FMN2: variants seen among roughly 807,000 people sequenced by gnomAD.
FMN2 encodes formin-2.
Under a neutral mutation model 142.3 loss-of-function variants are expected in FMN2, and 51 were observed. That is an observed-to-expected ratio of 0.36 (90% confidence interval 0.29 to 0.45). The LOEUF is 0.45. Ranked by LOEUF, FMN2 falls within the 20% of genes least tolerant of loss-of-function variation. The probability of loss-of-function intolerance (pLI) is 1.00; values close to 1 mark genes in which losing one functional copy is unlikely to be tolerated. For synonymous variants in FMN2, 882 were observed against 869.8 expected (o/e 1.01, Z -0.25); for missense variants, 1,936 against 2,122.8 (o/e 0.91, Z 1.73).
chr1:240,447,060 C>G (rs145457204), intron 16 of FMN2, among the ~76,000 whole-genome samples: 1 of 152,160 alleles, frequency 6.6e-6, no homozygotes. Flanking sequence ...CTAGAGGTAT[C>G]GATCCCTACG....
intron 8 of FMN2, among the ~76,000 whole-genome samples, chr1:240,308,376 C>T (rs1034888292): frequency 6.6e-6 from 1 of 152,168 alleles, no homozygotes; most frequent in South Asian, 2.1e-4. Context: ...AGTTAACACA[C>T]AGTTTTGGCT....
intron 14 of FMN2, among the ~76,000 whole-genome samples, chr1:240,377,853 AAATT>A (rs1424805975): frequency 2.0e-5 from 3 of 152,278 alleles, no homozygotes; most frequent in African/African-American, 7.2e-5. Context: ...GGGGATTAAT[AAATT>A]AATTCCCCCA....
intron 2 of FMN2, chr1:240,170,459 T>A (rs1558335141): frequency 7.3e-7 from 1 of 1,367,480 alleles, no homozygotes; most frequent in East Asian, 2.3e-5. Flanking sequence ...CATCCCACAG[T>A]GTGGAGAATG....
chr1:240,149,143 T>C lies in FMN2; in HGVS notation c.1782+25798T>C, dbSNP rs1196510897. ...GTTGTAAAACATTGAACCTGCAGAA[T>C]GTGGACAATAAAGTAACCATTTTTG... is the stretch of plus-strand genomic sequence containing the variant. On this transcript the variant is annotated intron_variant, in intron 2 of 17. Transcript: ENST00000319653. 3.9e-5 allele frequency among the ~76,000 whole-genome samples: 6 copies of C among 152,256 alleles called. 2 individuals carry two copies. In the East Asian group the frequency reaches 1.2e-3, roughly 29 times the overall value.
At position 240,440,456 on chromosome 1, in the gene FMN2, C is replaced by T. The variant is rs549209686; in HGVS notation, c.5060+2246C>T. 1.4e-4 allele frequency among the ~76,000 whole-genome samples: 22 copies of T among 152,170 alleles called. No homozygotes were observed. In the South Asian group the frequency reaches 4.3e-3, roughly 30 times the overall value. ...TCTGACATGCCCAGAATGAGCTTTC[C>T]TTCACTCTCTAAGTATCTCATAAAA... On this transcript the variant is annotated intron_variant, in intron 16 of 17. Transcript: ENST00000319653.
chr1:240,184,283 C>T (rs1488397927), intron 3 of FMN2, among the ~76,000 whole-genome samples: 2 of 125,306 alleles, frequency 1.6e-5, no homozygotes, highest in East Asian at 2.3e-4. Context: ...GTCGCCCAGG[C>T]TGGAGTGCAG....
rs1247510585 is a variant in FMN2 at position 240,123,181 on chromosome 1, C to T, written c.1618C>T (p.Arg540Ter). ...TAATGACTGTGTTTCATCTGCAGGG[C>T]GAACGCTGTTGGAGAAGCTGTTCAG... ...ADGFQNVFTGRTLLEKLFSQQ... is the reference protein window; with the variant it reads ...ADGFQNVFTG The change falls in exon 2 of 18, where the codon CGA becomes TGA. Residue 540 changes from arginine (R) to a stop codon, truncating the protein, a stop_gained and splice_region_variant. Transcript: ENST00000319653. LOFTEE classifies it high-confidence loss of function. 6.2e-7 allele frequency: 1 copy of T among 1,613,968 alleles called. No individual in the cohort carries two copies. The highest frequency in any genetic ancestry group is 8.5e-7 in the Non-Finnish European group (1 of 1,179,956).
rs73122335 is a variant in FMN2 at position 240,292,255 on chromosome 1, T to C, written c.4154-2567T>C. Among the ~76,000 whole-genome samples, 1,306 of 152,286 alleles carry C rather than the reference T, an allele frequency of 8.6e-3. 19 individuals carry two copies. Among genetic ancestry groups the C allele is most frequent in the African/African-American group, 0.028 (1,159 of 41,554 alleles). On this transcript the variant is annotated intron_variant, in intron 7 of 17. Coordinates refer to ENST00000319653, the MANE Select transcript of FMN2 (RefSeq NM_020066.5). ...ACCAAGAAATTTCTGAGGAGTTTTTTCTTTGAATCTTTTTGCCACCGAAAT... is the reference window on the plus strand; with the variant it reads ...ACCAAGAAATTTCTGAGGAGTTTTTCCTTTGAATCTTTTTGCCACCGAAAT...
chr1:240,230,841 A>C (rs1369362605), intron 6 of FMN2, among the ~76,000 whole-genome samples: 1 of 132,018 alleles, frequency 7.6e-6, no homozygotes, highest in Non-Finnish European at 1.6e-5. Flanking sequence ...CCAACAAAAG[A>C]AACTAGCATG....
intron 16 of FMN2, among the ~76,000 whole-genome samples, chr1:240,451,475 T>G (rs1316164665): frequency 6.6e-6 from 1 of 152,078 alleles, no homozygotes; most frequent in Non-Finnish European, 1.5e-5. Context: ...CCAACTCTTT[T>G]TGGGCTTTAC....
chr1:240,272,918 C>T (rs1268112923), intron 7 of FMN2, among the ~76,000 whole-genome samples: 2 of 152,108 alleles, frequency 1.3e-5, no homozygotes, highest in Non-Finnish European at 1.5e-5. Flanking sequence ...TAATTATATG[C>T]ACGTGATTAA....
intron 16 of FMN2, among the ~76,000 whole-genome samples, chr1:240,443,289 G>A (rs1019598770): frequency 4.6e-5 from 7 of 152,172 alleles, no homozygotes; most frequent in East Asian, 1.9e-4. Context: ...ATCTTGTCAC[G>A]AATCAGAAAA....
intron 2 of FMN2, among the ~76,000 whole-genome samples, chr1:240,152,313 A>AG (rs1399168177): frequency 2.0e-5 from 3 of 151,628 alleles, no homozygotes; most frequent in Non-Finnish European, 4.4e-5. Flanking sequence ...ATTTAAAAAA[A>AG]AAAAAGAAAA....
chr1:240,320,922 C>T (rs959177867), intron 8 of FMN2, among the ~76,000 whole-genome samples: 8 of 152,304 alleles, frequency 5.3e-5, no homozygotes, highest in African/African-American at 1.9e-4. Context: ...TGACACCAAA[C>T]TAAGTTGTTG....
chr1:240,166,217 T>C (rs2103301339), intron 2 of FMN2, among the ~76,000 whole-genome samples: 1 of 151,110 alleles, frequency 6.6e-6, no homozygotes, highest in South Asian at 2.1e-4. Flanking sequence ...AGCCATTAGC[T>C]CATGTATTAT....
intron 6 of FMN2, among the ~76,000 whole-genome samples, chr1:240,253,093 CA>C: frequency 6.6e-6 from 1 of 151,474 alleles, no homozygotes; most frequent in East Asian, 2.0e-4. Flanking sequence ...GCTGGGATTA[CA>C]GGCATGCACC....
intron 14 of FMN2, among the ~76,000 whole-genome samples, chr1:240,382,538 G>A (rs919278147): frequency 7.9e-5 from 12 of 152,058 alleles, no homozygotes; most frequent in African/African-American, 2.7e-4. Flanking sequence ...GTGGCTGCCT[G>A]TAATCTAAGC....
At chr1:240,391,121 CT>C (rs1310906400) in intron 14 of FMN2, among the ~76,000 whole-genome samples, 1 of 151,996 alleles carries the variant, frequency 6.6e-6, no homozygotes, top group Non-Finnish European at 1.5e-5. Flanking sequence ...GATATTCATT[CT>C]TTTTTTAATA....
intron 13 of FMN2, among the ~76,000 whole-genome samples, chr1:240,348,301 A>G (rs1191311498): frequency 6.6e-6 from 1 of 151,132 alleles, no homozygotes; most frequent in African/African-American, 2.4e-5. Flanking sequence ...GGCTCACTGC[A>G]ACCTCTGCCT....
Sources: allele counts gnomAD v4.1 joint callset (sites outside exome capture counted in the v4.1 genomes callset), GRCh38; gene constraint gnomAD v4.1.1; transcripts MANE v1.5; gene names NCBI Gene and HGNC (gene_info 2026-07-23, HGNC 2026-07-21).